ADAMTSL1: variants seen among roughly 807,000 people sequenced by gnomAD.
The protein encoded by ADAMTSL1 is ADAMTS-like protein 1.
A neutral mutation model predicts 201.8 loss-of-function variants in ADAMTSL1; 126 were observed. That is an observed-to-expected ratio of 0.62 (90% CI 0.54 to 0.72). The LOEUF is 0.72. Ranked by LOEUF, ADAMTSL1 falls within the 30% of genes least tolerant of loss-of-function variation. The pLI is 0.00. For missense variants in ADAMTSL1, 2,679 were observed against 2,277.8 expected, an observed-to-expected ratio of 1.18 and a Z score of -3.59; for synonymous variants, 1,121 against 903.4, an observed-to-expected ratio of 1.24 and a Z score of -4.32.
chr9:18,614,356 A>C (rs1324584972), intron 4 of ADAMTSL1, among the ~76,000 whole-genome samples: 1 of 152,206 alleles, frequency 6.6e-6, no homozygotes, highest in Non-Finnish European at 1.5e-5. Context: ...CATTGATGAC[A>C]CAGTGCTATT....
chr9:18,250,022 T>C (rs1348887989), intron 2 of ADAMTSL1, among the ~76,000 whole-genome samples: 1 of 152,230 alleles, frequency 6.6e-6, no homozygotes, highest in Non-Finnish European at 1.5e-5. Flanking sequence ...ATAAATACTA[T>C]CTAATTTCCT....
intron 22 of ADAMTSL1, among the ~76,000 whole-genome samples, chr9:18,827,395 A>G (rs1824645718): frequency 6.6e-6 from 1 of 152,126 alleles, no homozygotes. Context: ...CGAGAGTTGA[A>G]GATATACCAA....
intron 3 of ADAMTSL1, 33 bp from the exon 4 acceptor site, chr9:18,573,997 C>T (rs746973703): frequency 6.3e-7 from 1 of 1,584,798 alleles, no homozygotes; most frequent in Non-Finnish European, 8.6e-7. Context: ...ATCCTCCTAA[C>T]CTTTGTATGT....
intron 1 of ADAMTSL1, among the ~76,000 whole-genome samples, chr9:18,501,283 G>T (rs1822826287): frequency 6.6e-6 from 1 of 152,104 alleles, no homozygotes; most frequent in African/African-American, 2.4e-5. Flanking sequence ...GGCCAAGGTG[G>T]GTGGATAGCT....
At chr9:18,781,561 A>G (rs138218730) in intron 19 of ADAMTSL1, among the ~76,000 whole-genome samples, 97 of 152,274 alleles carry the variant, frequency 6.4e-4, no homozygotes, top group African/African-American at 2.2e-3. Context: ...TGCCATTAGG[A>G]CTGCTTTGCT....
intron 1 of ADAMTSL1, among the ~76,000 whole-genome samples, chr9:18,022,760 T>G (rs1820531354): frequency 6.6e-6 from 1 of 152,184 alleles, no homozygotes; most frequent in Non-Finnish European, 1.5e-5. Context: ...AATTCTTCTT[T>G]CCTATTGTGA....
At chr9:18,512,780 A>C (rs568172059) in intron 2 of ADAMTSL1, among the ~76,000 whole-genome samples, 27 of 152,278 alleles carry the variant, frequency 1.8e-4, no homozygotes, top group African/African-American at 6.5e-4. Context: ...TTTATATATT[A>C]ATGCTTTCTT....
intron 2 of ADAMTSL1, among the ~76,000 whole-genome samples, chr9:18,287,507 C>T (rs967613826): frequency 6.6e-6 from 1 of 150,448 alleles, no homozygotes; most frequent in Admixed American, 6.6e-5. Context: ...TTTATATGTG[C>T]ACATATGTAA....
intron 1 of ADAMTSL1, among the ~76,000 whole-genome samples, chr9:17,941,626 T>C (rs1202935058): frequency 1.3e-5 from 2 of 152,140 alleles, no homozygotes; most frequent in Non-Finnish European, 2.9e-5. Flanking sequence ...AAAGAGCTTT[T>C]GAGTATAGAG....
At chr9:18,452,120 T>G (rs544946372) in intron 2 of ADAMTSL1, among the ~76,000 whole-genome samples, 1 of 151,984 alleles carries the variant, frequency 6.6e-6, no homozygotes, top group East Asian at 1.9e-4. Flanking sequence ...TCCATGTTGG[T>G]CAGGCTGGTC....
intron 1 of ADAMTSL1, among the ~76,000 whole-genome samples, chr9:18,058,776 T>C (rs1163752260): frequency 1.4e-4 from 22 of 152,322 alleles, no homozygotes; most frequent in African/African-American, 5.3e-4. Flanking sequence ...ACCATTTTCT[T>C]TTATGAATAA....
chr9:18,515,340 T>G (rs1159006976), intron 2 of ADAMTSL1, among the ~76,000 whole-genome samples: 1 of 152,188 alleles, frequency 6.6e-6, no homozygotes, highest in East Asian at 1.9e-4. Flanking sequence ...TTTTTGTTGT[T>G]TGTTTGTTTT....
chr9:18,219,687 T>C (rs888088164), intron 2 of ADAMTSL1, among the ~76,000 whole-genome samples: 2 of 152,220 alleles, frequency 1.3e-5, no homozygotes, highest in Non-Finnish European at 2.9e-5. Flanking sequence ...AGTAACTTTG[T>C]CTTTTAATAA....
At chr9:18,069,289 A>G (rs916468340) in intron 1 of ADAMTSL1, among the ~76,000 whole-genome samples, 1 of 152,226 alleles carries the variant, frequency 6.6e-6, no homozygotes, top group African/African-American at 2.4e-5. Flanking sequence ...TATACAACTT[A>G]TTCCACCTAT....
intron 23 of ADAMTSL1, among the ~76,000 whole-genome samples, chr9:18,841,500 C>T (rs377009359): frequency 1.6e-4 from 24 of 151,878 alleles, no homozygotes; most frequent in African/African-American, 5.6e-4. Flanking sequence ...AAAATTCTCT[C>T]TTTTGGTTGT....
intron 2 of ADAMTSL1, among the ~76,000 whole-genome samples, chr9:18,176,181 G>T (rs1026586033): frequency 5.3e-5 from 8 of 151,944 alleles, no homozygotes; most frequent in Non-Finnish European, 1.0e-4. Context: ...CTCCTATTTT[G>T]CAACTTTACT....
chr9:18,332,012 A>G (rs1022224862), intron 2 of ADAMTSL1, among the ~76,000 whole-genome samples: 1 of 152,154 alleles, frequency 6.6e-6, no homozygotes, highest in Non-Finnish European at 1.5e-5. Context: ...TTGATGTGAA[A>G]CTTGATCTCT....
At chr9:18,078,555 C>T (rs914036324) in intron 1 of ADAMTSL1, among the ~76,000 whole-genome samples, 1 of 152,166 alleles carries the variant, frequency 6.6e-6, no homozygotes, top group Non-Finnish European at 1.5e-5. Context: ...AAGGTTTCTG[C>T]TCAACAGATA....
intron 1 of ADAMTSL1, among the ~76,000 whole-genome samples, chr9:18,150,844 T>A (rs933230889): frequency 1.1e-4 from 16 of 151,766 alleles, no homozygotes; most frequent in African/African-American, 3.6e-4. Context: ...GGAAGCATGG[T>A]TCAGGGGCAC....
Sources: gnomAD v4.1 joint callset for allele counts (sites outside exome capture counted in the v4.1 genomes callset) on GRCh38, gnomAD v4.1.1 for gene constraint, MANE v1.5 for transcripts, NCBI Gene and HGNC (gene_info 2026-07-23, HGNC 2026-07-21) for gene names.